The following LINGO2 variants were observed in gnomAD, a reference collection of about 807,000 sequenced individuals.
LINGO2 encodes leucine rich repeat and Ig domain containing 2, also known as leucine-rich repeat and immunoglobulin-like domain-containing nogo receptor-interacting protein 2.
In LINGO2, 14 loss-of-function variants were observed where a neutral mutation model predicts 30.6. The observed-to-expected ratio is 0.46, with a 90% CI of 0.30 to 0.72. LINGO2 has a LOEUF of 0.72. Ranked by LOEUF, LINGO2 falls within the 30% of genes least tolerant of loss-of-function variation. The pLI is 0.07. For missense variants in LINGO2, 729 were observed against 751.7 expected, an observed-to-expected ratio of 0.97 and a Z score of 0.35; for synonymous variants, 317 against 288.5, an observed-to-expected ratio of 1.10 and a Z score of -1.00.
rs60310040 is a variant in LINGO2 at position 28,368,594 on chromosome 9, C to CT, written c.-246+4241dup. Among the ~76,000 whole-genome samples the CT allele has an allele frequency of 1.3e-3, 164 of 123,594 alleles. 1 individual carries two copies. Among genetic ancestry groups the CT allele is most frequent in the South Asian group, 0.011 (38 of 3,516 alleles). The allele number at this position is 123,594 out of a possible 152,430, so 81.1% of individuals were successfully genotyped here. ...TTCTTTCTTTCTCTTCTTTTCTTTTCTTTTTTTTTTTTTTCTTTTTGAGAC... is the reference window on the plus strand; with the variant it reads ...TTCTTTCTTTCTCTTCTTTTCTTTTCTTTTTTTTTTTTTTTCTTTTTGAGAC... On this transcript the variant is annotated intron_variant, in intron 3 of 5. Transcript: ENST00000379992.
chr9:28,067,652 T>C (rs1359343455), intron 4 of LINGO2, among the ~76,000 whole-genome samples: 1 of 152,140 alleles, frequency 6.6e-6, no homozygotes, highest in African/African-American at 2.4e-5. Context: ...ATGCTAGAAA[T>C]TTCTAGATGA....
chr9:29,075,798 C>A, the LINGO2 span, among the ~76,000 whole-genome samples: 3 of 152,090 alleles, frequency 2.0e-5, no homozygotes, highest in East Asian at 1.9e-4. Context: ...AGAGTGTCAA[C>A]CAAAAAGAAA....
At chr9:28,187,174 A>G (rs1587169057) in intron 4 of LINGO2, among the ~76,000 whole-genome samples, 1 of 152,246 alleles carries the variant, frequency 6.6e-6, no homozygotes, top group East Asian at 1.9e-4. Flanking sequence ...GGTTATCAGC[A>G]TTTCCTGATA....
At chr9:27,950,733 G>A (rs987663008) in intron 5 of LINGO2, 27 bp from the exon 7 acceptor site, 2 of 1,329,366 alleles carry the variant, frequency 1.5e-6, no homozygotes, top group Non-Finnish European at 2.0e-6. Context: ...CAAGAAGGGA[G>A]GAAGAGAAGG....
chr9:28,060,573 T>A (rs1415297468), intron 4 of LINGO2, among the ~76,000 whole-genome samples: 2 of 152,158 alleles, frequency 1.3e-5, no homozygotes, highest in Admixed American at 6.6e-5. Context: ...AACCTAGCAG[T>A]CTGACTTTAG....
chr9:28,193,169 ATAT>A (rs1393498759), intron 4 of LINGO2, among the ~76,000 whole-genome samples: 5 of 152,170 alleles, frequency 3.3e-5, no homozygotes, highest in Non-Finnish European at 7.4e-5. Flanking sequence ...ATAGCTAATG[ATAT>A]TATTATAAAT....
At chr9:28,169,876 T>A (rs1163900812) in intron 4 of LINGO2, among the ~76,000 whole-genome samples, 1 of 152,244 alleles carries the variant, frequency 6.6e-6, no homozygotes, top group Non-Finnish European at 1.5e-5. Context: ...ATCTGCAATC[T>A]AGCTCTTTCA....
the LINGO2 span, among the ~76,000 whole-genome samples, chr9:28,859,503 T>C: frequency 6.6e-6 from 1 of 152,110 alleles, no homozygotes; most frequent in Non-Finnish European, 1.5e-5. Flanking sequence ...ATTTCCCTTA[T>C]TCTAAGTATT....
chr9:28,960,200 C>T, the LINGO2 span, among the ~76,000 whole-genome samples: 1 of 152,032 alleles, frequency 6.6e-6, no homozygotes, highest in Admixed American at 6.6e-5. Flanking sequence ...AAGAAAACAC[C>T]CTTCCCTCTC....
Position 28,076,589 on chromosome 9 carries a change from A to G in LINGO2, c.-86-64184T>C, listed in dbSNP as rs922467494. 4.0e-5 allele frequency among the ~76,000 whole-genome samples: 6 copies of G among 151,806 alleles called. No individual in the cohort carries two copies. The South Asian group carries it at 8.3e-4, about 21-fold the overall frequency. On this transcript the variant is annotated intron_variant, in intron 4 of 5. Transcript: ENST00000379992. Reference sequence around the variant, plus strand: ...TATTTTTGATCACATTCCTTTCTTCATGTCAGATTTTCTCTGATGTCAATT... The same window carrying G: ...TATTTTTGATCACATTCCTTTCTTCGTGTCAGATTTTCTCTGATGTCAATT...
chr9:29,183,085 A>G, the LINGO2 span, among the ~76,000 whole-genome samples: 5 of 152,204 alleles, frequency 3.3e-5, no homozygotes, highest in African/African-American at 1.2e-4. Context: ...AAGTATGCTC[A>G]TATTACCAGA....
At chr9:28,331,264 CA>C (rs1431247646) in intron 3 of LINGO2, among the ~76,000 whole-genome samples, 1 of 151,876 alleles carries the variant, frequency 6.6e-6, no homozygotes, top group Non-Finnish European at 1.5e-5. Context: ...TAGAAGCAAA[CA>C]ACTTCTATAT....
intron 2 of LINGO2, among the ~76,000 whole-genome samples, chr9:28,377,591 T>C (rs1449932047): frequency 6.6e-6 from 1 of 152,158 alleles, no homozygotes; most frequent in Non-Finnish European, 1.5e-5. Flanking sequence ...AAAGCTCAAG[T>C]GGATATAGTA....
the LINGO2 span, among the ~76,000 whole-genome samples, chr9:28,730,970 A>G: frequency 1.3e-5 from 2 of 151,584 alleles, no homozygotes; most frequent in South Asian, 4.2e-4. Flanking sequence ...AATAGTATAA[A>G]GTCCAGAAAC....
intron 4 of LINGO2, among the ~76,000 whole-genome samples, chr9:28,199,344 C>CTTCTTCTT (rs74180792): frequency 0.12 from 13,862 of 117,486 alleles, 1,374 homozygotes; most frequent in South Asian, 0.19. Flanking sequence ...TCTTCTTCTT[C>CTTCTTCTT]TTTTTTTTTT....
At chr9:29,004,862 G>T in the LINGO2 span, among the ~76,000 whole-genome samples, 1 of 151,930 alleles carries the variant, frequency 6.6e-6, no homozygotes, top group African/African-American at 2.4e-5. Flanking sequence ...TGTATTACCT[G>T]TACCTCCTTG....
intron 2 of LINGO2, among the ~76,000 whole-genome samples, chr9:28,430,107 CGCGTGT>C (rs1249316115): frequency 2.2e-4 from 4 of 18,190 alleles, no homozygotes; most frequent in African/African-American, 3.9e-4. Flanking sequence ...CGCGCGCGCG[CGCGTGT>C]GTGTGTGTGT....
the LINGO2 span, among the ~76,000 whole-genome samples, chr9:28,802,342 T>C: frequency 6.6e-6 from 1 of 152,010 alleles, no homozygotes; most frequent in Non-Finnish European, 1.5e-5. Flanking sequence ...TAGGGATAGA[T>C]TTTTGAAAGC....
At chr9:29,037,702 A>C in the LINGO2 span, among the ~76,000 whole-genome samples, 2 of 152,108 alleles carry the variant, frequency 1.3e-5, no homozygotes, top group African/African-American at 4.8e-5. Context: ...TTCCATTACC[A>C]ATCTGTTCCA....
Sources: gnomAD v4.1 joint callset for allele counts (sites outside exome capture counted in the v4.1 genomes callset) on GRCh38, gnomAD v4.1.1 for gene constraint, MANE v1.5 for transcripts, NCBI Gene and HGNC (gene_info 2026-07-23, HGNC 2026-07-21) for gene names.